XPO6: variants seen among roughly 807,000 people sequenced by gnomAD.
The protein encoded by XPO6 is exportin-6.
Under a neutral mutation model 130.0 loss-of-function variants are expected in XPO6, and 3 were observed. That is an observed-to-expected ratio of 0.02 (90% CI 0.01 to 0.06). The LOEUF is 0.06. Ranked by LOEUF, XPO6 falls within the 10% of genes least tolerant of loss-of-function variation. The pLI, the probability that XPO6 is intolerant of heterozygous loss-of-function variation, is 1.00. For missense variants in XPO6, 970 were observed against 1,393.0 expected, an observed-to-expected ratio of 0.70 and a Z score of 4.83; for synonymous variants, 524 against 548.9, an observed-to-expected ratio of 0.95 and a Z score of 0.63.
intron 2 of XPO6, among the ~76,000 whole-genome samples, chr16:28,179,541 C>T (rs1289292895): frequency 6.6e-6 from 1 of 152,212 alleles, no homozygotes; most frequent in African/African-American, 2.4e-5. Context: ...AGGTGAGTCA[C>T]TGCTCCCCCT....
chr16:28,183,369 C>G (rs1007875671), intron 1 of XPO6: 6 of 147,042 alleles, frequency 4.1e-5, no homozygotes, highest in South Asian at 2.2e-4. Flanking sequence ...CAGTCAGTTA[C>G]AGATCCAACT....
intron 1 of XPO6, among the ~76,000 whole-genome samples, chr16:28,185,563 A>T (rs1410169393): frequency 6.6e-6 from 1 of 152,182 alleles, no homozygotes; most frequent in Non-Finnish European, 1.5e-5. Flanking sequence ...TTAATGTTTT[A>T]AAATCCTCAT....
At chr16:28,153,876 G>A (rs967393786) in intron 7 of XPO6, 18 of 985,244 alleles carry the variant, frequency 1.8e-5, no homozygotes, top group African/African-American at 8.7e-5. Flanking sequence ...AAACTGGCCC[G>A]GAAATAAAAT....
chr16:28,170,355 C>T (rs8060774), intron 4 of XPO6, among the ~76,000 whole-genome samples: 85,798 of 141,940 alleles, frequency 0.6, 27,124 homozygotes, highest in South Asian at 0.74. Flanking sequence ...AAAAAAGAAA[C>T]ATCACTTAGA....
chr16:28,211,933 G>A lies in XPO6; in HGVS notation c.-565C>T, dbSNP rs973798749. On this transcript the variant is annotated 5_prime_UTR_variant, in exon 1 of 24. Transcript: ENST00000304658. ...AGCCGCCCGCTAGTACCGCGCGGCC[G>A]CCCCCGACCAACAGCCCCAACGCGC... The A allele has an allele frequency of 6.5e-6, 1 of 152,740 alleles. No homozygotes were observed. The highest frequency in any genetic ancestry group is 1.5e-5 in the Non-Finnish European group (1 of 68,516). The allele number at this position is 152,740 out of a possible 1,614,324, so 9.5% of individuals were successfully genotyped here. A position where few individuals can be genotyped will look rare whatever the true frequency, so the allele number is the denominator to read the frequency against.
At chr16:28,199,255 A>G (rs2043915920) in intron 1 of XPO6, among the ~76,000 whole-genome samples, 1 of 152,248 alleles carries the variant, frequency 6.6e-6, no homozygotes, top group Non-Finnish European at 1.5e-5. Context: ...TGCCCCTAAA[A>G]TTAAAAAATC....
At chr16:28,161,679 T>C (rs959091051) in intron 6 of XPO6, among the ~76,000 whole-genome samples, 6 of 152,190 alleles carry the variant, frequency 3.9e-5, no homozygotes, top group African/African-American at 1.4e-4. Context: ...TATATATGCA[T>C]ATTCTCATTT....
At chr16:28,125,907 A>G (rs1478649737) in intron 12 of XPO6, 59 bp from the exon 13 acceptor site, 2 of 1,563,266 alleles carry the variant, frequency 1.3e-6, no homozygotes, top group Non-Finnish European at 1.7e-6. Flanking sequence ...GATACTACAG[A>G]TAACAGCTGG....
intron 17 of XPO6, among the ~76,000 whole-genome samples, chr16:28,108,028 G>A (rs1344722476): frequency 6.6e-6 from 1 of 152,060 alleles, no homozygotes; most frequent in Non-Finnish European, 1.5e-5. Flanking sequence ...GGGTGCCTTG[G>A]ATTTAATCAA....
In XPO6 at chr16:28,117,539, G is replaced by C. The variant is rs564395419; in HGVS notation, c.1860-77C>G. 4 of 1,524,066 alleles carry C rather than the reference G, an allele frequency of 2.6e-6. No homozygotes were observed. In the African/African-American group the frequency reaches 5.5e-5, roughly 21 times the overall value. The allele number at this position is 1,524,066 out of a possible 1,614,324, so 94.4% of individuals were successfully genotyped here. A position where few individuals can be genotyped will look rare whatever the true frequency, so the allele number is the denominator to read the frequency against. ...AGCGTTCAACTCATTTTCATAGGAG[G>C]TAAGAATTGCATCCACTGCATTTGC... On this transcript the variant is annotated intron_variant, in intron 14 of 23. Coordinates refer to ENST00000304658, the MANE Select transcript of XPO6 (RefSeq NM_015171.4).
intron 8 of XPO6, among the ~76,000 whole-genome samples, chr16:28,147,717 G>A (rs1001948543): frequency 3.9e-5 from 6 of 152,116 alleles, no homozygotes; most frequent in African/African-American, 7.2e-5. Flanking sequence ...AGGCCCAGGC[G>A]GGTGGATCTC....
Position 28,132,353 on chromosome 16 carries a change from A to G in XPO6, c.1587T>C (p.Phe529=), listed in dbSNP as rs757461216. 4 of 1,609,196 alleles carry G rather than the reference A, an allele frequency of 2.5e-6. No homozygotes were observed. The highest frequency in any genetic ancestry group is 2.2e-5 in the South Asian group (2 of 89,682). ...NLEVYLGLQQ[F]IVTSGSGHRL... is the part of the protein sequence containing the mutation. ...GTTTACCTGACCCTGAAGTGACTAT[A>G]AACTGTTGTAATCCCAAATAAACTT... The change falls in exon 12 of 24, where the codon TTT becomes TTC. Residue 529 remains phenylalanine, a synonymous_variant. Coordinates refer to ENST00000304658, the MANE Select transcript of XPO6 (RefSeq NM_015171.4). The surrounding 1 kb of genome is among the most constrained non-coding windows in gnomAD (Gnocchi z 4.0).
chr16:28,106,324 G>A lies in XPO6; in HGVS notation c.2612+59C>T, dbSNP rs372842063. On this transcript the variant is annotated intron_variant, in intron 19 of 23. Transcript: ENST00000304658. The surrounding 1 kb of genome is among the most constrained non-coding windows in gnomAD (Gnocchi z 4.2). ...CAGGAGCAAAAAGCCACACTTTGTC[G>A]CCAGACCCACCACTTCTCCCTTGAA... 1.3e-5 allele frequency: 21 copies of A among 1,604,910 alleles called. No homozygotes were observed. The highest frequency in any genetic ancestry group is 5.0e-5 in the Admixed American group (3 of 59,820).
intron 6 of XPO6, among the ~76,000 whole-genome samples, chr16:28,162,333 C>T (rs1027835793): frequency 3.9e-5 from 6 of 152,160 alleles, no homozygotes; most frequent in Non-Finnish European, 5.9e-5. Context: ...AAAATTACAC[C>T]GTAATCAAAG....
chr16:28,156,623 T>C (rs995904222), intron 6 of XPO6, 96 bp from the exon 7 acceptor site: 7 of 707,272 alleles, frequency 9.9e-6, no homozygotes, highest in Middle Eastern at 4.3e-4. Context: ...TATATATGTA[T>C]ACATATATGT....
chr16:28,196,375 G>A (rs1457860129), intron 1 of XPO6, among the ~76,000 whole-genome samples: 1 of 152,092 alleles, frequency 6.6e-6, no homozygotes, highest in African/African-American at 2.4e-5. Flanking sequence ...AAATTCATGA[G>A]ACAGGAATTA....
At chr16:28,117,816 C>T (rs1335060709) in intron 14 of XPO6, among the ~76,000 whole-genome samples, 2 of 152,156 alleles carry the variant, frequency 1.3e-5, no homozygotes, top group Admixed American at 6.5e-5. Context: ...TTTAACATTC[C>T]TAGCTGCAGA....
chr16:28,168,005 T>A (rs2043385001), intron 5 of XPO6, among the ~76,000 whole-genome samples: 2 of 152,124 alleles, frequency 1.3e-5, no homozygotes, highest in South Asian at 4.1e-4. Context: ...TGTTCTGGAA[T>A]TAGATAGCGG....
chr16:28,118,312 G>T (rs1054853656), intron 14 of XPO6, among the ~76,000 whole-genome samples: 7 of 152,066 alleles, frequency 4.6e-5, no homozygotes, highest in African/African-American at 9.7e-5. Context: ...TCTAAAAAGA[G>T]GCTTTCCCTC....
Sources: gnomAD v4.1 joint callset for allele counts (sites outside exome capture counted in the v4.1 genomes callset) on GRCh38, gnomAD v4.1.1 for gene constraint, Gnocchi (gnomAD v3.1) non-coding constraint, MANE v1.5 for transcripts, NCBI Gene and HGNC (gene_info 2026-07-23, HGNC 2026-07-21) for gene names.